Variants in POU2F3 observed in about 807,000 individuals in gnomAD.
The protein encoded by POU2F3 is POU class 2 homeobox 3, also known as POU domain, class 2, transcription factor 3.
Under a neutral mutation model 59.2 loss-of-function variants are expected in POU2F3, and 23 were observed. The ratio of observed to expected loss-of-function variants is 0.39; its 90% confidence interval spans 0.28 to 0.55. The LOEUF (loss-of-function observed/expected upper bound fraction) is 0.55. Ranked by LOEUF, POU2F3 falls within the 20% of genes least tolerant of loss-of-function variation. The pLI is 0.66. For synonymous variants in POU2F3, 190 were observed against 214.6 expected, an observed-to-expected ratio of 0.89 and a Z score of 1.00; for missense variants, 473 against 544.5, an observed-to-expected ratio of 0.87 and a Z score of 1.31.
chr11:120,291,717 CTA>C (rs1379801036), intron 3 of POU2F3, among the ~76,000 whole-genome samples: 2 of 152,150 alleles, frequency 1.3e-5, no homozygotes, highest in Non-Finnish European at 2.9e-5. Flanking sequence ...GTCTTTTCAT[CTA>C]TAAAATGGGT....
intron 10 of POU2F3, among the ~76,000 whole-genome samples, chr11:120,310,139 G>A (rs1170033397): frequency 6.6e-6 from 1 of 152,204 alleles, no homozygotes; most frequent in Non-Finnish European, 1.5e-5. Flanking sequence ...CTGTGTGGAA[G>A]CAGGAGACCA....
chr11:120,266,030 C>G (rs1939814335), intron 2 of POU2F3: 2 of 152,256 alleles, frequency 1.3e-5, no homozygotes, highest in African/African-American at 2.4e-5. Context: ...GAGGGCTACA[C>G]AATTGATACC....
At chr11:120,312,655 G>A (rs1941681863) in intron 10 of POU2F3, among the ~76,000 whole-genome samples, 1 of 152,188 alleles carries the variant, frequency 6.6e-6, no homozygotes, top group African/African-American at 2.4e-5. Flanking sequence ...CTGAGCACCT[G>A]CTATATGTTT....
intron 3 of POU2F3, among the ~76,000 whole-genome samples, chr11:120,278,077 G>A (rs984852239): frequency 8.5e-4 from 130 of 152,266 alleles, no homozygotes; most frequent in Non-Finnish European, 5.4e-4. Flanking sequence ...AATTAACACA[G>A]AAAATGGCAT....
At chr11:120,255,560 G>A (rs1469501721) in intron 2 of POU2F3, among the ~76,000 whole-genome samples, 1 of 152,094 alleles carries the variant, frequency 6.6e-6, no homozygotes, top group Non-Finnish European at 1.5e-5. Context: ...TTTTCTTGAG[G>A]AGGGAAGCGT....
In POU2F3 at chr11:120,319,497, G is replaced by C. The variant is rs531015233; in HGVS notation, c.*1105G>C. 328 of 142,088 alleles carry C rather than the reference G, an allele frequency of 2.3e-3. 1 individual carries two copies. Among genetic ancestry groups the C allele is most frequent in the African/African-American group, 8.2e-3 (314 of 38,106 alleles). The allele number at this position is 142,088 out of a possible 1,614,324, so 8.8% of individuals were successfully genotyped here. On this transcript the variant is annotated 3_prime_UTR_variant, in exon 13 of 13. Coordinates refer to ENST00000543440, the MANE Select transcript of POU2F3 (RefSeq NM_014352.4). ...TTGCTCCAGCCCAGGCTGGAGTGCA[G>C]TGGCATGATCTTGGCTCACTGCATG...
chr11:120,299,722 G>A lies in POU2F3; in HGVS notation c.357G>A (p.Gln119=). ...TGCTATCTCAGACCCAGCCTGGGCA[G>A]CAAGGTAAGAACCCTGGGGGTTTCC... is the stretch of plus-strand genomic sequence containing the variant. ...QFLLSQTQPG[Q]QGLQPNLLPF... The change falls in exon 5 of 13, where the codon CAG becomes CAA. Residue 119 remains glutamine, a synonymous_variant. Transcript: ENST00000543440. The A allele has an allele frequency of 6.2e-7, 1 of 1,611,278 alleles. No individual in the cohort carries two copies. The highest frequency in any genetic ancestry group is 8.5e-7 in the Non-Finnish European group (1 of 1,179,446).
chr11:120,318,099 A>G (rs1941835143), intron 12 of POU2F3, among the ~76,000 whole-genome samples: 2 of 152,164 alleles, frequency 1.3e-5, no homozygotes, highest in Admixed American at 1.3e-4. Context: ...AGGACCATAT[A>G]ATATACATTA....
At chr11:120,305,404 T>G in intron 7 of POU2F3, 192 bp downstream of exon 7, 1 of 887,276 alleles carries the variant, frequency 1.1e-6, no homozygotes, top group Non-Finnish European at 1.7e-6. Context: ...TGGAGGAGAA[T>G]GAGAGGTGGA....
At chr11:120,242,855 C>G (rs1351387335) in intron 1 of POU2F3, among the ~76,000 whole-genome samples, 1 of 152,174 alleles carries the variant, frequency 6.6e-6, no homozygotes, top group African/African-American at 2.4e-5. Context: ...CAAGGAGGGG[C>G]TCCCTGCTCC....
intron 2 of POU2F3, among the ~76,000 whole-genome samples, chr11:120,262,144 C>T (rs748340358): frequency 1.4e-4 from 21 of 152,170 alleles, no homozygotes; most frequent in Non-Finnish European, 4.4e-5. Flanking sequence ...GGCACAGGGC[C>T]AGGTGCTTTC....
In POU2F3 at chr11:120,315,890, G is replaced by C. The variant is rs558970132; in HGVS notation, c.1135+463G>C. On this transcript the variant is annotated intron_variant, in intron 11 of 12. Transcript: ENST00000543440. ...CTTTTTTTTTTTTTTTTTTTTTTTT[G>C]AGACAGAGTTTCACCCTTGTTGCCC... 1.1e-4 allele frequency among the ~76,000 whole-genome samples: 5 copies of C among 47,158 alleles called. No homozygotes were observed. The South Asian group carries it at 3.3e-3, about 31-fold the overall frequency. 30.9% of individuals were successfully genotyped at this position (47,158 alleles called of 152,430 possible). A position where few individuals can be genotyped will look rare whatever the true frequency, so the allele number is the denominator to read the frequency against.
intron 8 of POU2F3, 31 bp downstream of exon 8, chr11:120,305,816 C>T: frequency 6.2e-7 from 1 of 1,610,880 alleles, no homozygotes; most frequent in Non-Finnish European, 8.5e-7. Flanking sequence ...TGCCAGGGGC[C>T]CTAGAGGGCT....
At chr11:120,248,941 G>C (rs1435284996) in intron 2 of POU2F3, among the ~76,000 whole-genome samples, 1 of 152,184 alleles carries the variant, frequency 6.6e-6, no homozygotes, top group African/African-American at 2.4e-5. Context: ...GGTTTTAAAG[G>C]AACTATAAAC....
At chr11:120,278,027 C>A (rs1177785988) in intron 3 of POU2F3, among the ~76,000 whole-genome samples, 1 of 152,148 alleles carries the variant, frequency 6.6e-6, no homozygotes, top group African/African-American at 2.4e-5. Context: ...AAGTGTTAAA[C>A]AACTCTTTGT....
chr11:120,243,838 C>A (rs746999949), intron 1 of POU2F3, among the ~76,000 whole-genome samples: 2 of 152,190 alleles, frequency 1.3e-5, no homozygotes, highest in Non-Finnish European at 2.9e-5. Context: ...GAAGTGGCAC[C>A]TTGTTGATCC....
chr11:120,273,767 A>G (rs1565368394), intron 3 of POU2F3, among the ~76,000 whole-genome samples: 1 of 152,122 alleles, frequency 6.6e-6, no homozygotes, highest in Non-Finnish European at 1.5e-5. Flanking sequence ...TGTAATCCCA[A>G]CACTTAGGGA....
intron 8 of POU2F3, among the ~76,000 whole-genome samples, chr11:120,306,791 G>A (rs537385490): frequency 1.3e-5 from 2 of 152,278 alleles, no homozygotes; most frequent in East Asian, 3.9e-4. Flanking sequence ...AGCATGGGAG[G>A]GGGCAGGAAG....
rs142901147 is a variant in POU2F3 at position 120,244,957 on chromosome 11, G to A, written c.29-1492G>A. ...CTAAACGCTGTGCACTAGGAGGGGA[G>A]GGGGTGGGGTAAGGTTGCAGGTCTT... On this transcript the variant is annotated intron_variant, in intron 1 of 12. Transcript: ENST00000543440. Among the ~76,000 whole-genome samples, 37 of 152,204 alleles carry A rather than the reference G, an allele frequency of 2.4e-4. No individual in the cohort carries two copies. In the East Asian group the frequency reaches 7.0e-3, roughly 29 times the overall value.
Sources: gnomAD v4.1 joint callset for allele counts (sites outside exome capture counted in the v4.1 genomes callset) on GRCh38, gnomAD v4.1.1 for gene constraint, MANE v1.5 for transcripts, NCBI Gene and HGNC (gene_info 2026-07-23, HGNC 2026-07-21) for gene names.